Variants in SGCZ observed in about 807,000 individuals in gnomAD.
SGCZ encodes the protein sarcoglycan zeta.
Under a neutral mutation model 41.3 loss-of-function variants are expected in SGCZ, and 40 were observed. The ratio of observed to expected loss-of-function variants is 0.97; its 90% CI spans 0.75 to 1.26. The LOEUF (loss-of-function observed/expected upper bound fraction) is 1.26, where lower values mean the gene tolerates loss of function less well. Ranked by LOEUF, SGCZ falls within the 50% of genes most tolerant of loss-of-function variation. SGCZ has a pLI of 0.00. For synonymous variants in SGCZ, 206 were observed against 137.5 expected (o/e 1.50, Z -3.49); for missense variants, 552 against 369.8 (o/e 1.49, Z -4.04).
intron 7 of SGCZ, among the ~76,000 whole-genome samples, chr8:14,095,503 T>A (rs960242034): frequency 6.6e-6 from 1 of 152,150 alleles, no homozygotes; most frequent in Non-Finnish European, 1.5e-5. Context: ...TTGGTTACTG[T>A]AGCCTTGTAG....
chr8:14,903,787 C>T (rs957591224), intron 1 of SGCZ, among the ~76,000 whole-genome samples: 2 of 151,834 alleles, frequency 1.3e-5, no homozygotes, highest in African/African-American at 4.8e-5. Flanking sequence ...CTCAACAGTT[C>T]AGGAAATTAT....
chr8:14,824,841 G>A (rs1234873680), intron 1 of SGCZ, among the ~76,000 whole-genome samples: 2 of 151,868 alleles, frequency 1.3e-5, no homozygotes, highest in East Asian at 3.9e-4. Flanking sequence ...ACTCACTCTA[G>A]GTTTGCCTTG....
At chr8:15,138,676 T>C (rs773364873) in intron 1 of SGCZ, among the ~76,000 whole-genome samples, 1 of 152,210 alleles carries the variant, frequency 6.6e-6, no homozygotes, top group Non-Finnish European at 1.5e-5. Context: ...CCTGCCACCA[T>C]GATTGTAAGT....
intron 3 of SGCZ, among the ~76,000 whole-genome samples, chr8:14,244,006 C>T (rs960793391): frequency 5.9e-5 from 9 of 152,172 alleles, no homozygotes; most frequent in Non-Finnish European, 1.3e-4. Flanking sequence ...TTGACACATA[C>T]TTTATGTTCA....
chr8:14,822,118 C>CTAATAAATAAAT (rs1802117402), intron 1 of SGCZ, among the ~76,000 whole-genome samples: 1 of 145,218 alleles, frequency 6.9e-6, no homozygotes, highest in South Asian at 2.1e-4. Context: ...ACGGTTAGAA[C>CTAATAAATAAAT]TAATAAATAA....
chr8:14,665,876 G>T (rs562259165), intron 1 of SGCZ, among the ~76,000 whole-genome samples: 1 of 152,096 alleles, frequency 6.6e-6, no homozygotes, highest in Non-Finnish European at 1.5e-5. Flanking sequence ...AGTGTCGATC[G>T]TCTGAATTGC....
chr8:14,259,068 T>C (rs1799561473), intron 3 of SGCZ, among the ~76,000 whole-genome samples: 1 of 152,180 alleles, frequency 6.6e-6, no homozygotes, highest in African/African-American at 2.4e-5. Context: ...CTTTAGTTTT[T>C]TATGTTATGA....
At chr8:15,064,756 T>C (rs72607336) in intron 1 of SGCZ, among the ~76,000 whole-genome samples, 7,121 of 152,172 alleles carry the variant, frequency 0.047, 344 homozygotes, top group East Asian at 0.28. Context: ...ATCAGTGAGA[T>C]AGATTTGAAA....
intron 4 of SGCZ, among the ~76,000 whole-genome samples, chr8:14,169,208 G>A (rs1377995117): frequency 6.6e-6 from 1 of 152,092 alleles, no homozygotes; most frequent in Non-Finnish European, 1.5e-5. Context: ...TTTTGCTAAT[G>A]ATGTATAACA....
At position 14,237,655 on chromosome 8, in the gene SGCZ, C is replaced by A. The variant is rs1358756581; in HGVS notation, c.361G>T (p.Asp121Tyr). ...RKDSPLVLQSDRNVTVNARNH... is the reference protein window; with the variant it reads ...RKDSPLVLQSYRNVTVNARNH... ...CTTGCATTCACTGTGACATTCCTGTCAGACTGTAAGACCAGCGGACTATCC... is the reference window on the plus strand; with the variant it reads ...CTTGCATTCACTGTGACATTCCTGTAAGACTGTAAGACCAGCGGACTATCC... The change falls in exon 4 of 8, where the codon GAC becomes TAC. Residue 121 changes from aspartate to tyrosine, a missense_variant. Physicochemically the swap from Asp to Tyr is radical, Grantham distance 160. Transcript: ENST00000382080. 5 of 1,613,872 alleles carry A rather than the reference C, an allele frequency of 3.1e-6. No individual in the cohort carries two copies. The highest frequency in any genetic ancestry group is 4.2e-6 in the Non-Finnish European group (5 of 1,179,842).
At chr8:14,520,809 T>C (rs1802765950) in intron 2 of SGCZ, among the ~76,000 whole-genome samples, 1 of 152,100 alleles carries the variant, frequency 6.6e-6, no homozygotes. Flanking sequence ...ATTTATTATA[T>C]TTAAAATGAG....
intron 2 of SGCZ, among the ~76,000 whole-genome samples, chr8:14,500,248 G>C (rs1802111435): frequency 6.6e-6 from 1 of 152,034 alleles, no homozygotes; most frequent in Admixed American, 6.6e-5. Flanking sequence ...ATGTAATGTA[G>C]TTTGAGCACG....
intron 4 of SGCZ, among the ~76,000 whole-genome samples, chr8:14,180,157 A>G (rs1032973823): frequency 2.0e-5 from 3 of 152,218 alleles, no homozygotes; most frequent in Non-Finnish European, 4.4e-5. Context: ...CAATGCAACA[A>G]GTGGAGCCCA....
chr8:14,289,342 G>A (rs1167279872), intron 3 of SGCZ, among the ~76,000 whole-genome samples: 1 of 151,488 alleles, frequency 6.6e-6, no homozygotes, highest in Admixed American at 6.6e-5. Context: ...AGAAACCATT[G>A]TCAAATCCAA....
In SGCZ at chr8:14,119,404, T is replaced by C. The variant is rs544978946; in HGVS notation, c.548-11169A>G. Among the ~76,000 whole-genome samples, 159 of 152,312 alleles carry C rather than the reference T, an allele frequency of 1.0e-3. 1 individual carries two copies. Among genetic ancestry groups the C allele is most frequent in the African/African-American group, 3.6e-3 (150 of 41,582 alleles). On this transcript the variant is annotated intron_variant, in intron 5 of 7. Coordinates refer to ENST00000382080, the MANE Select transcript of SGCZ (RefSeq NM_139167.4). ...TAGGAATGCTTGTGATTTTTGCACA[T>C]AGATTTTGTATCCTGAGAGTTTCCT...
chr8:14,650,423 T>G (rs140428841), intron 1 of SGCZ, among the ~76,000 whole-genome samples: 2 of 152,134 alleles, frequency 1.3e-5, no homozygotes, highest in East Asian at 3.9e-4. Flanking sequence ...GTCATGGGGG[T>G]TTGTTGTACA....
At chr8:14,664,781 A>G (rs537384779) in intron 1 of SGCZ, among the ~76,000 whole-genome samples, 2 of 152,316 alleles carry the variant, frequency 1.3e-5, no homozygotes, top group South Asian at 2.1e-4. Flanking sequence ...TTCTGTGAAC[A>G]TTACTACAGT....
intron 1 of SGCZ, among the ~76,000 whole-genome samples, chr8:15,157,178 T>C (rs1397633203): frequency 6.6e-6 from 1 of 152,106 alleles, no homozygotes; most frequent in East Asian, 1.9e-4. Flanking sequence ...ACATAGATGA[T>C]GACATTTTAT....
chr8:14,885,985 T>TTTTATATATA (rs1491416864), intron 1 of SGCZ, among the ~76,000 whole-genome samples: 1 of 55,976 alleles, frequency 1.8e-5, no homozygotes, highest in Non-Finnish European at 3.3e-5. Flanking sequence ...GGACTTTATG[T>TTTTATATATA]TATATATATA....
Sources: gnomAD v4.1 joint callset for allele counts (sites outside exome capture counted in the v4.1 genomes callset) on GRCh38, gnomAD v4.1.1 for gene constraint, MANE v1.5 for transcripts, NCBI Gene and HGNC (gene_info 2026-07-23, HGNC 2026-07-21) for gene names.